The following HDAC9 variants were observed in gnomAD, a reference collection of about 807,000 sequenced individuals.
The protein encoded by HDAC9 is histone deacetylase 9.
Under a neutral mutation model 139.4 loss-of-function variants are expected in HDAC9, and 41 were observed. The ratio of observed to expected loss-of-function variants is 0.29; its 90% CI spans 0.23 to 0.38. HDAC9 has a LOEUF of 0.38. HDAC9 is among the 10% of genes least tolerant of loss of function. The pLI is 1.00. For missense variants in HDAC9, 1,147 were observed against 1,297.0 expected (o/e 0.88, Z 1.78); for synonymous variants, 517 against 476.2 (o/e 1.09, Z -1.12).
chr7:18,932,160 A>G (rs1804802451), intron 22 of HDAC9, among the ~76,000 whole-genome samples: 1 of 152,180 alleles, frequency 6.6e-6, no homozygotes, highest in Non-Finnish European at 1.5e-5. Flanking sequence ...ATGAATTATG[A>G]AAAATTCAAT....
At chr7:18,499,856 T>C (rs1436896824) in intron 2 of HDAC9, among the ~76,000 whole-genome samples, 1 of 152,174 alleles carries the variant, frequency 6.6e-6, no homozygotes, top group Non-Finnish European at 1.5e-5. Context: ...TGTTCCTTAG[T>C]GTATGGTGTT....
chr7:18,250,734 C>T (rs1794867236), intron 2 of HDAC9, among the ~76,000 whole-genome samples: 1 of 152,188 alleles, frequency 6.6e-6, no homozygotes, highest in Non-Finnish European at 1.5e-5. Flanking sequence ...TTTAAACTCC[C>T]ACCGACAGTG....
chr7:18,963,372 T>A (rs959843097), intron 24 of HDAC9, among the ~76,000 whole-genome samples: 6 of 152,314 alleles, frequency 3.9e-5, no homozygotes, highest in African/African-American at 1.2e-4. Context: ...CCTGGAGGAA[T>A]GTATTTCTAA....
rs550779702 is a variant in HDAC9, at chr7:18,926,025, G to A, written c.2804-9784G>A. On this transcript the variant is annotated intron_variant, in intron 22 of 25. Transcript: ENST00000686413. ...TAAACTTGCAATTATATCTAGATCT[G>A]TAATTGTTAAATGAAAAGCTTTCAT... Among the ~76,000 whole-genome samples the A allele has an allele frequency of 5.3e-5, 8 of 152,110 alleles. 1 individual carries two copies. In the East Asian group the frequency reaches 1.5e-3, roughly 29 times the overall value.
chr7:18,365,745 TCTA>T (rs754435827), intron 1 of HDAC9, among the ~76,000 whole-genome samples: 1 of 152,040 alleles, frequency 6.6e-6, no homozygotes, highest in African/African-American at 2.4e-5. Context: ...GAACATCACA[TCTA>T]CTACTTTTTA....
intron 6 of HDAC9, among the ~76,000 whole-genome samples, chr7:18,614,812 G>C (rs1838139641): frequency 6.6e-6 from 1 of 152,100 alleles, no homozygotes; most frequent in Non-Finnish European, 1.5e-5. Context: ...GTGAAAATCT[G>C]TTCAAACCAT....
chr7:18,500,055 A>G (rs1338320656), intron 2 of HDAC9, among the ~76,000 whole-genome samples: 5 of 152,112 alleles, frequency 3.3e-5, no homozygotes, highest in South Asian at 2.1e-4. Flanking sequence ...TCTGTTATCA[A>G]TTGAGATAGA....
At chr7:18,559,679 T>C (rs1461864515) in intron 2 of HDAC9, among the ~76,000 whole-genome samples, 2 of 152,202 alleles carry the variant, frequency 1.3e-5, no homozygotes, top group African/African-American at 2.4e-5. Context: ...TCAGCCTGCA[T>C]AGGTGGTCTG....
Position 18,553,312 on chromosome 7 carries a change from C to A in HDAC9, c.23-31969C>A, listed in dbSNP as rs114926773. Among the ~76,000 whole-genome samples, 1,332 of 152,168 alleles carry A rather than the reference C, an allele frequency of 8.8e-3. 18 individuals carry two copies. Among genetic ancestry groups the A allele is most frequent in the African/African-American group, 0.03 (1,254 of 41,518 alleles). The stretch of plus-strand genomic sequence containing the variant: ...GGCCTGTTTTATTGTAAAATAAAAA[C>A]CTTAAGAACCCTATGTTTTTAGGGT... On this transcript the variant is annotated intron_variant, in intron 2 of 25. Coordinates refer to ENST00000686413, the MANE Select transcript of HDAC9 (RefSeq NM_178425.4).
chr7:18,898,368 G>A (rs925917509), intron 22 of HDAC9, among the ~76,000 whole-genome samples: 25 of 151,666 alleles, frequency 1.6e-4, no homozygotes, highest in African/African-American at 5.6e-4. Flanking sequence ...CAGCCAAATG[G>A]AACAAATAGC....
At chr7:18,976,955 C>A (rs1047159591) in intron 25 of HDAC9, among the ~76,000 whole-genome samples, 2 of 152,128 alleles carry the variant, frequency 1.3e-5, no homozygotes, top group African/African-American at 4.8e-5. Flanking sequence ...TGCACAAATA[C>A]GAACAGTTCT....
Position 18,975,954 on chromosome 7 carries a change from G to C in HDAC9, c.3170+1G>C, listed in dbSNP as rs1784520087. 6.2e-7 allele frequency: 1 copy of C among 1,613,124 alleles called. No individual in the cohort carries two copies. Among genetic ancestry groups the C allele is most frequent in the Non-Finnish European group, 8.5e-7 (1 of 1,179,562 alleles). ...AGCCCTTTGCTCAGGAAGACAGCAG[G>C]TATGAATCCAACGTGCGGGAATAAT... On this transcript the variant is annotated splice_donor_variant, in intron 25 of 25. Coordinates refer to ENST00000686413, the MANE Select transcript of HDAC9 (RefSeq NM_178425.4). LOFTEE classifies it high-confidence loss of function.
chr7:18,382,651 A>G (rs1785541892), intron 1 of HDAC9, among the ~76,000 whole-genome samples: 1 of 152,254 alleles, frequency 6.6e-6, no homozygotes. Context: ...AATTTCAGAT[A>G]CGATGTCATT....
At chr7:18,509,548 CTG>C (rs1005287055) in intron 2 of HDAC9, 2 of 685,758 alleles carry the variant, frequency 2.9e-6, no homozygotes, top group Non-Finnish European at 3.6e-6. Context: ...GCTTGTTTAT[CTG>C]TTTTTGTTGT....
intron 2 of HDAC9, among the ~76,000 whole-genome samples, chr7:18,250,949 G>A (rs1200050888): frequency 6.6e-6 from 1 of 151,720 alleles, no homozygotes; most frequent in African/African-American, 2.4e-5. Flanking sequence ...CATGTCCTTT[G>A]GCCTCTTTTT....
intron 9 of HDAC9, among the ~76,000 whole-genome samples, chr7:18,646,394 T>A (rs1476449180): frequency 6.6e-6 from 1 of 152,116 alleles, no homozygotes. Flanking sequence ...TAAACCAATG[T>A]GGTTTGGATT....
At chr7:18,467,336 T>G (rs75721379) in intron 1 of HDAC9, among the ~76,000 whole-genome samples, 150 of 152,314 alleles carry the variant, frequency 9.8e-4, no homozygotes, top group Non-Finnish European at 1.8e-3. Context: ...TCAACTATCC[T>G]TTGAATGTTT....
rs866444010 is a variant in HDAC9, at chr7:18,666,720, C to A, written c.1731+244C>A. Reference sequence around the variant, plus strand: ...TTGAAAATCCACTGGTAAGGAAATACCTGTTATACTAAAATTATGATACAT... The same window carrying A: ...TTGAAAATCCACTGGTAAGGAAATAACTGTTATACTAAAATTATGATACAT... On this transcript the variant is annotated intron_variant, in intron 12 of 25. Coordinates refer to ENST00000686413, the MANE Select transcript of HDAC9 (RefSeq NM_178425.4). 6.2e-6 allele frequency: 8 copies of A among 1,287,934 alleles called. No individual in the cohort carries two copies. The Middle Eastern group carries it at 1.2e-3, about 187-fold the overall frequency. 79.8% of individuals were successfully genotyped at this position (1,287,934 alleles called of 1,614,324 possible).
chr7:18,523,747 G>A (rs1001150948), intron 2 of HDAC9, among the ~76,000 whole-genome samples: 1 of 152,134 alleles, frequency 6.6e-6, no homozygotes, highest in African/African-American at 2.4e-5. Context: ...TGAGTTGGGA[G>A]AGAAAGGTGC....
Sources: allele counts gnomAD v4.1 joint callset (sites outside exome capture counted in the v4.1 genomes callset), GRCh38; gene constraint gnomAD v4.1.1; transcripts MANE v1.5; gene names NCBI Gene and HGNC (gene_info 2026-07-23, HGNC 2026-07-21).